ABCB1: variants seen among roughly 807,000 people sequenced by gnomAD.
The protein encoded by ABCB1 is ATP-dependent translocase ABCB1.
A neutral mutation model predicts 142.0 loss-of-function variants in ABCB1; 69 were observed. The observed-to-expected ratio is 0.49, with a 90% CI of 0.40 to 0.59. The LOEUF is 0.59. ABCB1 is among the 20% of genes least tolerant of loss of function. The pLI is 0.00. For missense variants in ABCB1, 1,326 were observed against 1,554.7 expected (o/e 0.85, Z 2.47); for synonymous variants, 532 against 539.2 (o/e 0.99, Z 0.18).
chr7:87,522,071 G>T, intron 21 of ABCB1: 1 of 1,141,644 alleles, frequency 8.8e-7, no homozygotes, highest in Non-Finnish European at 1.3e-6. Flanking sequence ...AACTTTGGTG[G>T]TGGTCGTGGA....
intron 14 of ABCB1, among the ~76,000 whole-genome samples, chr7:87,548,085 A>AAAAAG (rs1425592796): frequency 7.7e-6 from 1 of 129,572 alleles, no homozygotes; most frequent in Non-Finnish European, 1.7e-5. Flanking sequence ...AGAGAAGAGA[A>AAAAAG]AAAAGAAAAG....
chr7:87,701,939 C>G (rs540828025), intron 1 of ABCB1, among the ~76,000 whole-genome samples: 31 of 151,886 alleles, frequency 2.0e-4, no homozygotes, highest in African/African-American at 7.0e-4. Context: ...GTCAGGAGAT[C>G]GAGACCATCC....
chr7:87,520,993 A>G lies in ABCB1; in HGVS notation c.2686-117T>C, dbSNP rs60373307. 6 of 793,996 alleles carry G rather than the reference A, an allele frequency of 7.6e-6. No individual in the cohort carries two copies. In the African/African-American group the frequency reaches 1.0e-4, roughly 14 times the overall value. The allele number at this position is 793,996 out of a possible 1,614,324, so 49.2% of individuals were successfully genotyped here. On this transcript the variant is annotated intron_variant, in intron 21 of 27. Coordinates refer to ENST00000622132, the MANE Select transcript of ABCB1 (RefSeq NM_001348946.2). ...TATGATTACATATTTATTATTATGT[A>G]TGAGCATTTTCTCTGTAGAAAAAGA...
rs534456129 is a variant in ABCB1, at chr7:87,560,935, T to G, written c.827+328A>C. ...CCACGGATTAAAATGTCCCCATAGA[T>G]CTTACACAAAATACTCAGTCAATAT... is the stretch of plus-strand genomic sequence containing the variant. On this transcript the variant is annotated intron_variant, in intron 8 of 27. Coordinates refer to ENST00000622132, the MANE Select transcript of ABCB1 (RefSeq NM_001348946.2). Among the ~76,000 whole-genome samples, 38 of 152,230 alleles carry G rather than the reference T, an allele frequency of 2.5e-4. 1 individual carries two copies. The highest frequency in any genetic ancestry group is 9.1e-4 in the African/African-American group (38 of 41,550).
intron 1 of ABCB1, among the ~76,000 whole-genome samples, chr7:87,625,926 C>T (rs1448459203): frequency 6.7e-6 from 1 of 149,724 alleles, no homozygotes; most frequent in South Asian, 2.1e-4. Flanking sequence ...TATCATAGCA[C>T]ATTAGTTAAG....
At chr7:87,698,026 T>C (rs1828649263) in intron 1 of ABCB1, among the ~76,000 whole-genome samples, 1 of 152,154 alleles carries the variant, frequency 6.6e-6, no homozygotes, top group Non-Finnish European at 1.5e-5. Context: ...CAGAAGAAAG[T>C]GATGGAGAGA....
At position 87,632,996 on chromosome 7, in the gene ABCB1, GTGA is replaced by G. The variant is rs768270229; in HGVS notation, c.-330-31921_-330-31919del. The stretch of plus-strand genomic sequence containing the variant: ...AGTGTGATAAGCACGGTGGAGACAA[GTGA>G]TGATTTCACAATTCAAGTGTTTTTA... On this transcript the variant is annotated intron_variant, in intron 1 of 28. Coordinates refer to the ABCB1 transcript ENST00000265724. 2.1e-3 allele frequency among the ~76,000 whole-genome samples: 324 copies of G among 152,286 alleles called. 4 individuals are homozygous for G. The highest frequency in any genetic ancestry group is 0.01 in the Middle Eastern group (3 of 294).
chr7:87,571,686 G>C (rs1372075220), intron 4 of ABCB1, among the ~76,000 whole-genome samples: 1 of 152,190 alleles, frequency 6.6e-6, no homozygotes, highest in Non-Finnish European at 1.5e-5. Context: ...CTGGTCAGAG[G>C]AGAGATTATT....
At chr7:87,634,499 G>GT (rs1202181113) in intron 1 of ABCB1, among the ~76,000 whole-genome samples, 1 of 135,904 alleles carries the variant, frequency 7.4e-6, no homozygotes, top group African/African-American at 2.7e-5. Context: ...GGGGGTGGGG[G>GT]GGGGGGCACC....
intron 23 of ABCB1, 66 bp from the exon 24 acceptor site, chr7:87,516,731 CTTTTTTTT>C: frequency 8.0e-5 from 64 of 804,530 alleles, no homozygotes; most frequent in African/African-American, 1.3e-4. Flanking sequence ...GCTGACACTC[CTTTTTTTT>C]TTTTTTTTTT....
intron 5 of ABCB1, among the ~76,000 whole-genome samples, chr7:87,568,835 C>T (rs1381342737): frequency 6.6e-6 from 1 of 152,080 alleles, no homozygotes; most frequent in Non-Finnish European, 1.5e-5. Flanking sequence ...CAAGAGATAG[C>T]TAATAGAAAC....
intron 1 of ABCB1, among the ~76,000 whole-genome samples, chr7:87,707,671 CATAAA>C (rs1414553975): frequency 6.6e-6 from 1 of 151,386 alleles, no homozygotes; most frequent in Non-Finnish European, 1.5e-5. Context: ...AAGACCCTGT[CATAAA>C]ATAAAATAAA....
intron 21 of ABCB1, chr7:87,522,006 C>T: frequency 1.1e-6 from 1 of 895,848 alleles, no homozygotes; most frequent in Non-Finnish European, 1.9e-6. Flanking sequence ...AAAGCCCTGT[C>T]AAAGCAAGAG....
chr7:87,507,240 C>T (rs1584827646), intron 26 of ABCB1, among the ~76,000 whole-genome samples: 1 of 152,082 alleles, frequency 6.6e-6, no homozygotes, highest in African/African-American at 2.4e-5. Flanking sequence ...GATTAGAGAC[C>T]AGGATTTGTC....
At position 87,550,250 on chromosome 7, in the gene ABCB1, G is replaced by A; in HGVS notation, c.1271C>T (p.Ala424Val). 1.2e-6 allele frequency: 2 copies of A among 1,614,112 alleles called. No homozygotes were observed. The highest frequency in any genetic ancestry group is 8.5e-7 in the Non-Finnish European group (1 of 1,180,012). ...CCCACAGCCACTGTTTCCAACCAGG[G>A]CCACCGTCTGCCCACTCTGCACCTT... The part of the protein sequence containing the change: ...NLKVQSGQTV[A>V]LVGNSGCGKS... The change falls in exon 12 of 28, where the codon GCC becomes GTC. Residue 424 changes from alanine to valine, a missense_variant. By Grantham distance (64) the Ala-to-Val change is moderately conservative (BLOSUM62 0). Transcript: ENST00000622132.
At chr7:87,541,219 C>A in intron 18 of ABCB1, 138 bp downstream of exon 18, 1 of 648,704 alleles carries the variant, frequency 1.5e-6, no homozygotes, top group South Asian at 1.8e-5. Context: ...TTCACTATGT[C>A]AGAAAAACTT....
intron 1 of ABCB1, among the ~76,000 whole-genome samples, chr7:87,661,913 C>G (rs930943428): frequency 1.3e-5 from 2 of 151,924 alleles, no homozygotes; most frequent in African/African-American, 4.8e-5. Flanking sequence ...CACCAGTATT[C>G]ATTATTGCTT....
At chr7:87,562,993 A>G (rs1002492244) in intron 7 of ABCB1, among the ~76,000 whole-genome samples, 2 of 152,166 alleles carry the variant, frequency 1.3e-5, no homozygotes, top group African/African-American at 4.8e-5. Context: ...GATGCAGAAC[A>G]ATTCAGTCAC....
intron 18 of ABCB1, among the ~76,000 whole-genome samples, chr7:87,539,818 C>G (rs759616343): frequency 1.3e-5 from 2 of 152,186 alleles, no homozygotes; most frequent in Non-Finnish European, 2.9e-5. Flanking sequence ...TCCAGTCCCC[C>G]CAAGCACCAT....
Sources: allele counts gnomAD v4.1 joint callset (sites outside exome capture counted in the v4.1 genomes callset), GRCh38; gene constraint gnomAD v4.1.1; transcripts MANE v1.5; gene names NCBI Gene and HGNC (gene_info 2026-07-23, HGNC 2026-07-21).